Variants in UCK1 observed in about 807,000 individuals in gnomAD.
UCK1 encodes the protein cytidine monophosphokinase 1.
UCK1 carries 20 observed loss-of-function variants against 34.0 expected under a neutral mutation model. The observed-to-expected ratio is 0.59, with a 90% CI of 0.41 to 0.86. UCK1 has a LOEUF of 0.86. Ranked by LOEUF, UCK1 falls within the 40% of genes least tolerant of loss-of-function variation. The pLI, the probability that UCK1 is intolerant of heterozygous loss-of-function variation, is 0.00. For missense variants in UCK1, 343 were observed against 383.6 expected, an observed-to-expected ratio of 0.89 and a Z score of 0.88; for synonymous variants, 168 against 155.9, an observed-to-expected ratio of 1.08 and a Z score of -0.58.
Position 131,529,143 on chromosome 9 carries a change from T to C in UCK1, c.493A>G (p.Arg165Gly). The change falls in exon 4 of 7, where the codon AGG becomes GGG. Residue 165 changes from arginine to glycine, a missense_variant. By Grantham distance (125) the Arg-to-Gly change is moderately radical. Transcript: ENST00000372215. ...GCCGCCTTACCTCTTCGAGACAGCC[T>C]GACGTCGGAGTCGGTGTCCACGAAG... ...RLFVDTDSDV[R>G]LSRRVLRDVR... 6.2e-7 allele frequency: 1 copy of C among 1,613,834 alleles called. No individual in the cohort carries two copies. Among genetic ancestry groups the C allele is most frequent in the Non-Finnish European group, 8.5e-7 (1 of 1,179,884 alleles).
chr9:131,530,752 G>A (rs1195328313), intron 1 of UCK1, 107 bp from the exon 2 acceptor site: 34 of 1,596,638 alleles, frequency 2.1e-5, no homozygotes, highest in Non-Finnish European at 2.7e-5. Flanking sequence ...GGGTATGCTC[G>A]GAAGGCGGGA....
At chr9:131,526,836 G>A (rs1043894703) in intron 5 of UCK1, among the ~76,000 whole-genome samples, 3 of 152,232 alleles carry the variant, frequency 2.0e-5, no homozygotes, top group Non-Finnish European at 4.4e-5. Context: ...GCGCAAGGGC[G>A]AGGGCTGCTT....
chr9:131,529,245 G>A lies in UCK1; in HGVS notation c.391C>T (p.Pro131Ser), dbSNP rs752290531. The stretch of plus-strand genomic sequence containing the variant: ...CCCTCAAACAGAACCACGTCCGCAG[G>A]GTAGACCACCGTGGTCTCTGGTAAC... ...SRLPETTVVY[P>S]ADVVLFEGIL... The change falls in exon 4 of 7, where the codon CCT (proline) becomes TCT (serine). Residue 131 changes from proline to serine, a missense_variant. Physicochemically the swap from Pro to Ser is moderately conservative, Grantham distance 74. Transcript: ENST00000372215. The A allele has an allele frequency of 1.4e-5, 22 of 1,613,994 alleles. No individual in the cohort carries two copies. The highest frequency in any genetic ancestry group is 1.9e-5 in the Non-Finnish European group (22 of 1,180,034).
In UCK1 at chr9:131,524,995, A is replaced by C; in HGVS notation, c.*45T>G. The C allele has an allele frequency of 1.3e-6, 2 of 1,588,152 alleles. No individual in the cohort carries two copies. Among genetic ancestry groups the C allele is most frequent in the African/African-American group, 2.7e-5 (2 of 74,408 alleles). On this transcript the variant is annotated 3_prime_UTR_variant, in exon 7 of 7. Coordinates refer to ENST00000372215, the MANE Select transcript of UCK1 (RefSeq NM_031432.5). ...GGGCGTCCCCAGGCTCAGTCCCTGA[A>C]CACACATGCCGGGCGGGAGACCTGC...
rs1251821364 is a variant in UCK1, at chr9:131,525,087, T to C, written c.787A>G (p.Thr263Ala). The C allele has an allele frequency of 1.2e-6, 2 of 1,613,292 alleles. No individual in the cohort carries two copies. Among genetic ancestry groups the C allele is most frequent in the Non-Finnish European group, 1.7e-6 (2 of 1,179,844 alleles). The part of the protein sequence containing the change: ...SEPGDHPGML[T>A]SGKRSHLESS... Reference sequence around the variant, plus strand: ...TCCAAATGTGACCGTTTGCCAGAGGTCAGCATCCCAGGGTGGTCCCCTGGC... The same window carrying C: ...TCCAAATGTGACCGTTTGCCAGAGGCCAGCATCCCAGGGTGGTCCCCTGGC... Residue 263 changes from threonine to alanine, a missense_variant, in exon 7 of 7, where the codon ACC becomes GCC. Transcript: ENST00000372215.
chr9:131,526,542 T>C (rs954636990), intron 5 of UCK1: 3 of 1,288,358 alleles, frequency 2.3e-6, no homozygotes, highest in African/African-American at 3.0e-5. Context: ...TATCAGGAAA[T>C]GCAGGGCTGC....
intron 1 of UCK1, 129 bp from the exon 2 acceptor site, chr9:131,530,774 G>T: frequency 2.6e-6 from 4 of 1,532,262 alleles, no homozygotes; most frequent in Non-Finnish European, 3.6e-6. Flanking sequence ...GACACCAACA[G>T]GTGTGGATGG....
rs1950554807 is a variant in UCK1, at chr9:131,525,353, C to T, written c.653-132G>A. On this transcript the variant is annotated intron_variant, in intron 6 of 6. Transcript: ENST00000372215. Reference sequence around the variant, plus strand: ...AGGCACAGCCTGCGGCGAGGGGCATCGAGTCAAATCTCAGCAGACAGAAAC... The same window carrying T: ...AGGCACAGCCTGCGGCGAGGGGCATTGAGTCAAATCTCAGCAGACAGAAAC... 11 of 1,042,220 alleles carry T rather than the reference C, an allele frequency of 1.1e-5. No individual in the cohort carries two copies. In the Admixed American group the frequency reaches 1.5e-4, roughly 14 times the overall value. 64.6% of individuals were successfully genotyped at this position (1,042,220 alleles called of 1,614,324 possible).
chr9:131,530,702 G>C (rs769208084), intron 1 of UCK1, 57 bp from the exon 2 acceptor site: 1 of 1,613,892 alleles, frequency 6.2e-7, no homozygotes, highest in Non-Finnish European at 8.5e-7. Context: ...GACAGGCACG[G>C]GGCCGGCTTC....
chr9:131,531,020 C>T lies in UCK1; in HGVS notation c.108+47G>A, dbSNP rs952795382. ...GGTCTCCTCTCTGGACCGGGCCGCC[C>T]GTAGGCACCGGCGAGAGGCGAGACC... On this transcript the variant is annotated intron_variant, in intron 1 of 6. Transcript: ENST00000372215. The T allele has an allele frequency of 1.4e-5, 18 of 1,311,760 alleles. No homozygotes were observed. The African/African-American group carries it at 1.9e-4, about 14-fold the overall frequency. The allele number at this position is 1,311,760 out of a possible 1,614,324, so 81.3% of individuals were successfully genotyped here.
chr9:131,529,373 G>A (rs930546491), intron 3 of UCK1, 103 bp from the exon 4 acceptor site: 1 of 1,600,110 alleles, frequency 6.2e-7, no homozygotes, highest in African/African-American at 1.3e-5. Flanking sequence ...GGGAAGGGGT[G>A]GGGGACCCAC....
At chr9:131,528,773 T>A (rs1950708337) in intron 5 of UCK1, 171 bp downstream of exon 5, 2 of 749,950 alleles carry the variant, frequency 2.7e-6, no homozygotes, top group Admixed American at 5.7e-5. Context: ...GCACAGAGAA[T>A]GTTTTTACAG....
intron 5 of UCK1, among the ~76,000 whole-genome samples, chr9:131,528,170 T>C (rs1324966923): frequency 1.1e-4 from 3 of 26,446 alleles, no homozygotes; most frequent in Non-Finnish European, 3.0e-4. Flanking sequence ...AGAGACCCTA[T>C]CTCAAAAAAA....
rs1950511908 is a variant in UCK1, at chr9:131,524,640, T to TG, written c.*399dup. 1 of 182,648 alleles carries TG rather than the reference T, an allele frequency of 5.5e-6. No homozygotes were observed. Among genetic ancestry groups the TG allele is most frequent in the Non-Finnish European group, 1.1e-5 (1 of 88,872 alleles). The allele number at this position is 182,648 out of a possible 1,614,324, so 11.3% of individuals were successfully genotyped here. Reference sequence around the variant, plus strand: ...TGAGTGTGTAAGAACCAGATCAGACTGGAAAAAACTCTCTCCCACTGTGGG... The same window carrying TG: ...TGAGTGTGTAAGAACCAGATCAGACTGGGAAAAAACTCTCTCCCACTGTGGG... On this transcript the variant is annotated 3_prime_UTR_variant, in exon 7 of 7. Transcript: ENST00000372215.
chr9:131,528,720 T>G, intron 5 of UCK1: 4 of 589,912 alleles, frequency 6.8e-6, no homozygotes, highest in Non-Finnish European at 8.9e-6. Flanking sequence ...CCAGTGTGAA[T>G]GTGGGGGAGA....
At chr9:131,529,435 G>C in intron 3 of UCK1, 53 bp downstream of exon 3, 1 of 1,611,022 alleles carries the variant, frequency 6.2e-7, no homozygotes, top group Non-Finnish European at 8.5e-7. Flanking sequence ...TGAGCCCGAG[G>C]GGACGTCCTA....
Position 131,524,925 on chromosome 9 carries a change from T to C in UCK1, c.*115A>G. 1.5e-6 allele frequency: 2 copies of C among 1,314,894 alleles called. No individual in the cohort carries two copies. The highest frequency in any genetic ancestry group is 2.1e-6 in the Non-Finnish European group (2 of 971,352). The allele number at this position is 1,314,894 out of a possible 1,614,324, so 81.5% of individuals were successfully genotyped here. ...TCCTGAGTGAGGAAGGCCTCGCTGC[T>C]AACACTCCCCTGGGGTGCGCCGAGA... On this transcript the variant is annotated 3_prime_UTR_variant, in exon 7 of 7. Coordinates refer to ENST00000372215, the MANE Select transcript of UCK1 (RefSeq NM_031432.5).
chr9:131,529,189 C>G lies in UCK1; in HGVS notation c.447G>C (p.Arg149=). ...GILVFYSQEI[R]DMFHLRLFVD... is the part of the protein sequence containing the mutation. Reference sequence around the variant, plus strand: ...CGAAGAGGCGCAGGTGGAACATGTCCCGGATCTCCTGGCTGTAGAACACCA... The same window carrying G: ...CGAAGAGGCGCAGGTGGAACATGTCGCGGATCTCCTGGCTGTAGAACACCA... The change falls in exon 4 of 7, where the codon CGG becomes CGC. Residue 149 remains arginine, a synonymous_variant. Transcript: ENST00000372215. 6.2e-7 allele frequency: 1 copy of G among 1,614,128 alleles called. No individual in the cohort carries two copies. Among genetic ancestry groups the G allele is most frequent in the Non-Finnish European group, 8.5e-7 (1 of 1,180,008 alleles).
chr9:131,526,736 GAA>G (rs1950619990), intron 5 of UCK1, among the ~76,000 whole-genome samples: 1 of 152,228 alleles, frequency 6.6e-6, no homozygotes, highest in Admixed American at 6.5e-5. Flanking sequence ...GAAGGCGGCA[GAA>G]GAGACAAGCT....
Sources: allele counts gnomAD v4.1 joint callset (sites outside exome capture counted in the v4.1 genomes callset), GRCh38; gene constraint gnomAD v4.1.1; transcripts MANE v1.5; gene names NCBI Gene and HGNC (gene_info 2026-07-23, HGNC 2026-07-21).